Variants in WFDC11 observed in about 807,000 individuals in gnomAD.
WFDC11 encodes protein WFDC11.
In WFDC11, 9 loss-of-function variants were observed where a neutral mutation model predicts 9.9. The observed-to-expected ratio is 0.91, with a 90% CI of 0.55 to 1.58. The LOEUF is 1.58. Among genes scored for constraint, WFDC11 ranks in the 40% most tolerant of loss-of-function variants. The pLI is 0.00. For synonymous variants in WFDC11, 32 were observed against 33.3 expected (o/e 0.96, Z 0.13); for missense variants, 106 against 101.7 (o/e 1.04, Z -0.18).
At chr20:45,659,639 A>C (rs1452550824) in intron 2 of WFDC11, among the ~76,000 whole-genome samples, 2 of 152,174 alleles carry the variant, frequency 1.3e-5, no homozygotes, top group African/African-American at 4.8e-5. Context: ...ATAGATTGCA[A>C]CATTTTTCTC....
intron 3 of WFDC11, 58 bp downstream of exon 3, chr20:45,650,443 T>G: frequency 7.1e-7 from 1 of 1,407,142 alleles, no homozygotes; most frequent in Non-Finnish European, 1.0e-6. Context: ...ACCCCCTCCC[T>G]TGTTCAGAAA....
In WFDC11 at chr20:45,650,663, G is replaced by A. The variant is rs1982787538; in HGVS notation, c.-51-12C>T. 6 of 1,373,326 alleles carry A rather than the reference G, an allele frequency of 4.4e-6. No individual in the cohort carries two copies. Among genetic ancestry groups the A allele is most frequent in the Non-Finnish European group, 5.2e-6 (5 of 962,606 alleles). The allele number at this position is 1,373,326 out of a possible 1,614,324, so 85.1% of individuals were successfully genotyped here. ...CTTCCCAGTCGCTGCTAGAGATCAA[G>A]ACATATAAATAGGGAAAGAGAGGTG... On this transcript the variant is annotated splice_polypyrimidine_tract_variant and intron_variant, in intron 2 of 4. Transcript: ENST00000324384.
intron 1 of WFDC11, among the ~76,000 whole-genome samples, chr20:45,668,314 G>T (rs970427549): frequency 6.6e-6 from 1 of 152,158 alleles, no homozygotes; most frequent in Non-Finnish European, 1.5e-5. Flanking sequence ...GAGTTGTTTG[G>T]TTGGGATGAG....
intron 1 of WFDC11, among the ~76,000 whole-genome samples, chr20:45,668,071 C>A (rs1449713304): frequency 6.6e-6 from 1 of 152,172 alleles, no homozygotes; most frequent in African/African-American, 2.4e-5. Context: ...GTGGTAGAAA[C>A]AAGATTTGAA....
chr20:45,668,485 A>C (rs908100911), intron 1 of WFDC11, among the ~76,000 whole-genome samples: 5 of 98,832 alleles, frequency 5.1e-5, no homozygotes, highest in Admixed American at 1.1e-4. Flanking sequence ...CTCCGTAGGA[A>C]AAAAAAAAGA....
intron 2 of WFDC11, among the ~76,000 whole-genome samples, chr20:45,657,069 C>T (rs1203753951): frequency 6.6e-6 from 1 of 152,060 alleles, no homozygotes; most frequent in African/African-American, 2.4e-5. Flanking sequence ...TTGACCCAGC[C>T]ATCCCATTAC....
At chr20:45,664,844 T>C (rs561347626) in intron 2 of WFDC11, among the ~76,000 whole-genome samples, 17 of 152,346 alleles carry the variant, frequency 1.1e-4, no homozygotes, top group African/African-American at 3.6e-4. Context: ...CTGGGTGCCC[T>C]TAACATTTTT....
In WFDC11 at chr20:45,649,251, A is replaced by G. The variant is rs1982748878; in HGVS notation, c.243+6T>C. 3 of 1,613,940 alleles carry G rather than the reference A, an allele frequency of 1.9e-6. No homozygotes were observed. Among genetic ancestry groups the G allele is most frequent in the Non-Finnish European group, 2.5e-6 (3 of 1,179,958 alleles). ...TATACACCCAAGCAAACATCTCCCA[A>G]CTCACGACGTTTATCCAGCAGATGT... On this transcript the variant is annotated splice_donor_region_variant and intron_variant, in intron 4 of 4. Coordinates refer to ENST00000324384, the MANE Select transcript of WFDC11 (RefSeq NM_147197.2).
chr20:45,649,462 G>C, intron 3 of WFDC11, 63 bp from the exon 4 acceptor site: 1 of 1,580,088 alleles, frequency 6.3e-7, no homozygotes, highest in South Asian at 1.1e-5. Flanking sequence ...GGAAAGAAAG[G>C]CCTTTCATAC....
intron 2 of WFDC11, among the ~76,000 whole-genome samples, chr20:45,656,117 C>T (rs190544078): frequency 2.0e-5 from 3 of 152,250 alleles, no homozygotes; most frequent in African/African-American, 7.2e-5. Flanking sequence ...AAAGAGCCCA[C>T]ATCGCCAAGT....
intron 1 of WFDC11, among the ~76,000 whole-genome samples, chr20:45,669,058 T>C (rs1055880168): frequency 3.3e-5 from 5 of 152,138 alleles, no homozygotes; most frequent in East Asian, 1.9e-4. Flanking sequence ...GACCCTGATA[T>C]AGACATTCAG....
At chr20:45,649,163 G>T in intron 4 of WFDC11, 94 bp downstream of exon 4, 1 of 1,446,340 alleles carries the variant, frequency 6.9e-7, no homozygotes, top group Non-Finnish European at 9.4e-7. Context: ...CTAGAATTTG[G>T]GGTACCTCAG....
At chr20:45,663,386 T>G (rs141448860) in intron 2 of WFDC11, among the ~76,000 whole-genome samples, 1,561 of 152,298 alleles carry the variant, frequency 0.01, 26 homozygotes, top group African/African-American at 0.035. Context: ...GCTCCTGGAT[T>G]TATTGATTTC....
chr20:45,652,095 C>T (rs945853386), intron 2 of WFDC11, among the ~76,000 whole-genome samples: 3 of 152,194 alleles, frequency 2.0e-5, no homozygotes, highest in Non-Finnish European at 2.9e-5. Flanking sequence ...AGTGTTTCTC[C>T]CAGCACGCAG....
At chr20:45,653,267 C>G (rs2145616707) in intron 2 of WFDC11, among the ~76,000 whole-genome samples, 1 of 152,102 alleles carries the variant, frequency 6.6e-6, no homozygotes, top group Non-Finnish European at 1.5e-5. Context: ...GAGTGGGGGC[C>G]AATATTCAAC....
rs567448844 is a variant in WFDC11 at position 45,665,444 on chromosome 20, A to G, written c.-52+1644T>C. Among the ~76,000 whole-genome samples the G allele has an allele frequency of 1.9e-3, 286 of 152,314 alleles. 2 individuals carry two copies. Among genetic ancestry groups the G allele is most frequent in the Non-Finnish European group, 2.9e-3 (195 of 68,028 alleles). ...AACTCATCAAAGTCATTCTCTGTCC[A>G]GCTTTGTTCCATTGCTGCCGAGGAG... On this transcript the variant is annotated intron_variant, in intron 2 of 4. Transcript: ENST00000324384.
At chr20:45,662,530 A>C (rs554429806) in intron 2 of WFDC11, among the ~76,000 whole-genome samples, 1 of 152,286 alleles carries the variant, frequency 6.6e-6, no homozygotes, top group East Asian at 1.9e-4. Context: ...GTTTTTGCCC[A>C]TTCAGGATGA....
chr20:45,665,819 T>C (rs1983177066), intron 2 of WFDC11, among the ~76,000 whole-genome samples: 1 of 152,156 alleles, frequency 6.6e-6, no homozygotes. Context: ...CACTTGGCCA[T>C]ATGAGGTGTC....
At chr20:45,652,297 T>A (rs1982825523) in intron 2 of WFDC11, among the ~76,000 whole-genome samples, 2 of 152,152 alleles carry the variant, frequency 1.3e-5, no homozygotes, top group Admixed American at 1.3e-4. Context: ...TTGTGCAGCC[T>A]CCACTGCTGA....
Sources: gnomAD v4.1 joint callset for allele counts (sites outside exome capture counted in the v4.1 genomes callset) on GRCh38, gnomAD v4.1.1 for gene constraint, MANE v1.5 for transcripts, NCBI Gene and HGNC (gene_info 2026-07-23, HGNC 2026-07-21) for gene names.